The following ADAM8 variants were observed in gnomAD, a reference collection of about 807,000 sequenced individuals.
ADAM8 encodes the protein ADAM metallopeptidase domain 8.
A neutral mutation model predicts 102.4 loss-of-function variants in ADAM8; 104 were observed. The ratio of observed to expected loss-of-function variants is 1.02; its 90% CI spans 0.87 to 1.20. The LOEUF is 1.20. Ranked by LOEUF, ADAM8 falls within the 50% of genes most tolerant of loss-of-function variation. The pLI is 0.00. For synonymous variants in ADAM8, 517 were observed against 485.2 expected (o/e 1.07, Z -0.86); for missense variants, 1,132 against 1,159.0 (o/e 0.98, Z 0.34).
rs1589812189 is a variant in ADAM8, at chr10:133,273,803, G to C, written c.342C>G (p.Tyr114Ter). ...TGCTGAGGCTGGCGGCTGAGTCCGG[G>C]TACCCCTCTACGTGGCCCTGGTAGA... ...HCFYQGHVEG[Y>*]PDSAASLSTC... The change falls in exon 5 of 23, where the codon TAC becomes TAG. Residue 114 changes from tyrosine (Y) to a stop codon, truncating the protein, a stop_gained. Coordinates refer to ENST00000445355, the MANE Select transcript of ADAM8 (RefSeq NM_001109.5). LOFTEE classifies it high-confidence loss of function. 1.3e-5 allele frequency: 20 copies of C among 1,549,166 alleles called. No homozygotes were observed. Among genetic ancestry groups the C allele is most frequent in the Non-Finnish European group, 1.7e-5 (20 of 1,146,804 alleles).
Position 133,263,234 on chromosome 10 carries a change from C to T in ADAM8, c.2398-1G>A. On this transcript the variant is annotated splice_acceptor_variant, in intron 22 of 22. Transcript: ENST00000445355. LOFTEE classifies it high-confidence loss of function. ...GGGCAACCTTTGGGCCAACAGCACC[C>T]TGGGAGGAGGAAAAGATAATTGATG... The T allele has an allele frequency of 2.5e-6, 4 of 1,598,756 alleles. No homozygotes were observed. The highest frequency in any genetic ancestry group is 3.4e-6 in the Non-Finnish European group (4 of 1,171,644).
At chr10:133,269,560 C>T (rs752337191) in intron 17 of ADAM8, 31 bp from the exon 18 acceptor site, 139 of 1,559,878 alleles carry the variant, frequency 8.9e-5, no homozygotes, top group Non-Finnish European at 1.2e-4. Flanking sequence ...AGGGCCAACC[C>T]TGTTGTGGAC....
intron 19 of ADAM8, 99 bp from the exon 20 acceptor site, chr10:133,268,217 C>T: frequency 9.1e-7 from 1 of 1,094,818 alleles, no homozygotes; most frequent in African/African-American, 1.6e-5. Flanking sequence ...ACCCGAGAGG[C>T]TTCAGGGCGA....
Position 133,275,528 on chromosome 10 carries a change from G to C in ADAM8, c.106C>G (p.Arg36Gly). ...MEQYEVVLPW[R>G]LPGPRVRRAL... ...CGGCGGACTCGGGGGCCTGGCAGACGCCACGGCAACACGACCTCATACTGC... is the reference window on the plus strand; with the variant it reads ...CGGCGGACTCGGGGGCCTGGCAGACCCCACGGCAACACGACCTCATACTGC... The change falls in exon 2 of 23, where the codon CGT becomes GGT. Residue 36 changes from arginine to glycine, a missense_variant. Coordinates refer to ENST00000445355, the MANE Select transcript of ADAM8 (RefSeq NM_001109.5). 6.5e-7 allele frequency: 1 copy of C among 1,527,416 alleles called. No individual in the cohort carries two copies. The highest frequency in any genetic ancestry group is 8.8e-7 in the Non-Finnish European group (1 of 1,138,180). The allele number at this position is 1,527,416 out of a possible 1,614,324, so 94.6% of individuals were successfully genotyped here.
At position 133,272,446 on chromosome 10, in the gene ADAM8, C is replaced by T. The variant is rs577506348; in HGVS notation, c.845G>A (p.Arg282Gln). The T allele has an allele frequency of 1.6e-5, 25 of 1,609,412 alleles. No individual in the cohort carries two copies. Among genetic ancestry groups the T allele is most frequent in the Admixed American group, 8.3e-5 (5 of 59,882 alleles). Reference sequence around the variant, plus strand: ...GAGCTGTACGTTGTCATGCAGGTGCCGCCGTGTCCGTTGCCGTGCCTGCCA... The same window carrying T: ...GAGCTGTACGTTGTCATGCAGGTGCTGCCGTGTCCGTTGCCGTGCCTGCCA... ...LTWQARQRTR[R>Q]HLHDNVQLIT... The change falls in exon 9 of 23, where the codon CGG (arginine) becomes CAG (glutamine). Residue 282 changes from arginine (R) to glutamine (Q), a missense_variant. Coordinates refer to ENST00000445355, the MANE Select transcript of ADAM8 (RefSeq NM_001109.5).
intron 21 of ADAM8, among the ~76,000 whole-genome samples, chr10:133,264,058 CTTTTTTT>C (rs3058139): frequency 4.8e-5 from 4 of 84,042 alleles, no homozygotes; most frequent in Non-Finnish European, 5.1e-5. Flanking sequence ...TTTTCCTTTC[CTTTTTTT>C]TTTTTTTTTT....
chr10:133,267,770 C>T (rs1225023980), intron 20 of ADAM8, among the ~76,000 whole-genome samples, 159 bp downstream of exon 20: 1 of 152,254 alleles, frequency 6.6e-6, no homozygotes, highest in East Asian at 1.9e-4. Context: ...GTGTTCCCAG[C>T]AGGGCGACCA....
intron 6 of ADAM8, 38 bp downstream of exon 6, chr10:133,273,216 G>T: frequency 6.3e-7 from 1 of 1,590,822 alleles, no homozygotes; most frequent in East Asian, 2.3e-5. Context: ...AGTGGACACC[G>T]GCAGGGCCAG....
chr10:133,273,334 C>T lies in ADAM8; in HGVS notation c.493G>A (p.Gly165Arg), dbSNP rs757666125. 1.1e-5 allele frequency: 17 copies of T among 1,574,494 alleles called. No individual in the cohort carries two copies. Among genetic ancestry groups the T allele is most frequent in the Admixed American group, 3.6e-5 (2 of 54,812 alleles). The change falls in exon 6 of 23, where the codon GGG becomes AGG. Residue 165 changes from glycine (G) to arginine (R), a missense_variant. Transcript: ENST00000445355. ...YQAEHLLQTA[G>R]TCGVSDDSLG... ...CTGTCGTCGCTGACCCCGCAGGTCC[C>T]GGCCGTCTGCAGCAGGTGCTCAGCC...
Position 133,272,472 on chromosome 10 carries a change from G to T in ADAM8, c.819C>A (p.Thr273=). Residue 273 remains threonine (T), a synonymous_variant, in exon 9 of 23, where the codon ACC becomes ACA. Transcript: ENST00000445355. ...GCCGTGTCCGTTGCCGTGCCTGCCAGGTCAGGAGGTTCTCCAGTGTGACAC... is the reference window on the plus strand; with the variant it reads ...GCCGTGTCCGTTGCCGTGCCTGCCATGTCAGGAGGTTCTCCAGTGTGACAC... ...DPSVTLENLL[T]WQARQRTRRH... 6.2e-7 allele frequency: 1 copy of T among 1,611,630 alleles called. No homozygotes were observed. The highest frequency in any genetic ancestry group is 8.5e-7 in the Non-Finnish European group (1 of 1,179,774).
chr10:133,274,735 C>T lies in ADAM8; in HGVS notation c.151-500G>A, dbSNP rs1401293164. The T allele has an allele frequency of 2.2e-5, 7 of 315,014 alleles. No individual in the cohort carries two copies. In the East Asian group the frequency reaches 6.4e-4, roughly 29 times the overall value. 19.5% of individuals were successfully genotyped at this position (315,014 alleles called of 1,614,324 possible). ...AGGTGGGTGGCGGGGATAGCACGCA[C>T]AGGCCCCTCCAGCGACAGCTGCCTG... On this transcript the variant is annotated intron_variant, in intron 2 of 22. Transcript: ENST00000445355.
At chr10:133,270,566 C>T (rs1846487742) in intron 15 of ADAM8, 56 bp from the exon 16 acceptor site, 5 of 1,559,166 alleles carry the variant, frequency 3.2e-6, no homozygotes, top group Non-Finnish European at 4.4e-6. Context: ...CTGGGGAGCC[C>T]AGGAGCCACA....
chr10:133,270,990 C>A lies in ADAM8; in HGVS notation c.1455G>T (p.Glu485Asp). The change falls in exon 14 of 23, where the codon GAG (glutamate) becomes GAT (aspartate). Residue 485 changes from glutamate (E) to aspartate (D), a missense_variant. Physicochemically the swap from Glu to Asp is conservative, Grantham distance 45. Transcript: ENST00000445355. The part of the protein sequence containing the change: ...LEEFCDGRHP[E>D]CPEDAFQENG... ...TCTCCTGGAAGGCGTCTTCCGGGCA[C>A]TCAGGGTGCCGGCCGTCACAGAACT... The A allele has an allele frequency of 6.2e-7, 1 of 1,612,862 alleles. No individual in the cohort carries two copies. The highest frequency in any genetic ancestry group is 8.5e-7 in the Non-Finnish European group (1 of 1,179,972).
chr10:133,271,029 C>T lies in ADAM8; in HGVS notation c.1416G>A (p.Met472Ile), dbSNP rs75429524. 4 of 1,612,748 alleles carry T rather than the reference C, an allele frequency of 2.5e-6. No homozygotes were observed. Among genetic ancestry groups the T allele is most frequent in the African/African-American group, 2.7e-5 (2 of 75,056 alleles). Reference sequence around the variant, plus strand: ...CGTCACAGAACTCCTCGAGGTCACACATGTCCTTCTTGGGACGGCACAGCT... The same window carrying T: ...CGTCACAGAACTCCTCGAGGTCACATATGTCCTTCTTGGGACGGCACAGCT... Reference protein sequence around the residue: ...AGELCRPKKDMCDLEEFCDGR... With the variant: ...AGELCRPKKDICDLEEFCDGR... Residue 472 changes from methionine (M) to isoleucine (I), a missense_variant, in exon 14 of 23, where the codon ATG becomes ATA. Coordinates refer to ENST00000445355, the MANE Select transcript of ADAM8 (RefSeq NM_001109.5).
intron 20 of ADAM8, 49 bp downstream of exon 20, chr10:133,267,880 G>A: frequency 8.0e-7 from 1 of 1,254,250 alleles, no homozygotes; most frequent in Non-Finnish European, 1.0e-6. Context: ...GCAGGATGGG[G>A]CCTGGGCACT....
At position 133,273,954 on chromosome 10, in the gene ADAM8, C is replaced by T; in HGVS notation, c.303G>A (p.Gly101=). The T allele has an allele frequency of 1.3e-6, 2 of 1,599,448 alleles. No homozygotes were observed. The highest frequency in any genetic ancestry group is 1.7e-6 in the Non-Finnish European group (2 of 1,175,940). Residue 101 remains glycine, a synonymous_variant, in exon 4 of 23, where the codon GGG becomes GGA. Transcript: ENST00000445355. ...NGSEVTEQPR[G]QDHCFYQGHV... is the part of the protein sequence containing the mutation. ...AGCTGCTCCGCCCGACCCATACCTG[C>T]CCGCGAGGCTGCTCCGTCACCTCGG...
chr10:133,263,830 A>C, intron 21 of ADAM8, 65 bp from the exon 22 acceptor site: 3 of 1,311,088 alleles, frequency 2.3e-6, no homozygotes, highest in East Asian at 3.0e-5. Flanking sequence ...CCTGGACATC[A>C]CCTTCTCTGG....
chr10:133,268,622 G>T, intron 19 of ADAM8, 126 bp downstream of exon 19: 5 of 1,085,452 alleles, frequency 4.6e-6, no homozygotes, highest in Admixed American at 2.3e-5. Flanking sequence ...GCGTCATGAC[G>T]TCGGGGCACA....
intron 2 of ADAM8, 133 bp downstream of exon 2, chr10:133,275,351 A>AG: frequency 3.1e-6 from 2 of 646,392 alleles, no homozygotes; most frequent in African/African-American, 1.9e-5. Context: ...GATGGGCCCC[A>AG]GGGGGCTAGA....
Sources: gnomAD v4.1 joint callset for allele counts (sites outside exome capture counted in the v4.1 genomes callset) on GRCh38, gnomAD v4.1.1 for gene constraint, MANE v1.5 for transcripts, NCBI Gene and HGNC (gene_info 2026-07-23, HGNC 2026-07-21) for gene names.